ZXDC: variants seen among roughly 807,000 people sequenced by gnomAD.
ZXDC encodes ZXD family zinc finger C.
Under a neutral mutation model 63.6 loss-of-function variants are expected in ZXDC, and 58 were observed. That is an observed-to-expected ratio of 0.91 (90% CI 0.74 to 1.13). The LOEUF (loss-of-function observed/expected upper bound fraction) is 1.13. ZXDC is among the 50% of genes most tolerant of loss of function. The pLI is 0.00. For synonymous variants in ZXDC, 561 were observed against 496.1 expected (o/e 1.13, Z -1.74); for missense variants, 1,133 against 1,148.9 (o/e 0.99, Z 0.20).
chr3:126,453,311 G>A, intron 7 of ZXDC: 1 of 985,356 alleles, frequency 1.0e-6, no homozygotes, highest in Non-Finnish European at 1.2e-6. Flanking sequence ...AGGAAAATGA[G>A]GGCCTAGGGG....
At chr3:126,455,938 T>G (rs74904184) in intron 7 of ZXDC, among the ~76,000 whole-genome samples, 25,931 of 151,532 alleles carry the variant, frequency 0.17, 2,657 homozygotes, top group East Asian at 0.38. Flanking sequence ...AGGCGGAGCT[T>G]GCAGTGAGCC....
At chr3:126,451,878 C>T (rs768024867) in intron 7 of ZXDC, 13 of 985,040 alleles carry the variant, frequency 1.3e-5, no homozygotes, top group Non-Finnish European at 1.4e-5. Context: ...GGCAGGTCTC[C>T]ACCTCATAGG....
At position 126,475,619 on chromosome 3, in the gene ZXDC, G is replaced by T. The variant is rs781028300; in HGVS notation, c.247C>A (p.His83Asn). The change falls in exon 1 of 10, where the codon CAC becomes AAC. Residue 83 changes from histidine to asparagine, a missense_variant. Coordinates refer to ENST00000389709, the MANE Select transcript of ZXDC (RefSeq NM_025112.5). ...DSFLVLLEVP[H>N]GGAAAEAAGS... ...GCAGCCTCGGCGGCAGCGCCGCCGT[G>T]CGGCACTTCCAGCAGCACCAAGAAA... is the stretch of plus-strand genomic sequence containing the variant. 2 of 1,474,494 alleles carry T rather than the reference G, an allele frequency of 1.4e-6. No individual in the cohort carries two copies. Among genetic ancestry groups the T allele is most frequent in the African/African-American group, 2.9e-5 (2 of 68,594 alleles). The allele number at this position is 1,474,494 out of a possible 1,614,324, so 91.3% of individuals were successfully genotyped here.
chr3:126,446,872 A>G (rs1933903180), intron 7 of ZXDC, among the ~76,000 whole-genome samples: 1 of 152,252 alleles, frequency 6.6e-6, no homozygotes. Flanking sequence ...TGTAGGTTTC[A>G]TTCAGTTTAA....
chr3:126,441,564 T>C, intron 8 of ZXDC: 1 of 1,332,028 alleles, frequency 7.5e-7, no homozygotes, highest in Admixed American at 3.6e-5. Context: ...CTTGAGCAGA[T>C]GCAGGACAGG....
Position 126,454,902 on chromosome 3 carries a change from A to G in ZXDC, c.2212+4751T>C, listed in dbSNP as rs188793298. ...CAAGATAAAGAAATTCACACATTTT[A>G]TTTTCTACACTCAACAGCAACACAA... On this transcript the variant is annotated intron_variant, in intron 7 of 9. Transcript: ENST00000389709. 9.1e-6 allele frequency: 9 copies of G among 985,424 alleles called. No individual in the cohort carries two copies. In the Admixed American group the frequency reaches 3.7e-4, roughly 40 times the overall value. 61.0% of individuals were successfully genotyped at this position (985,424 alleles called of 1,614,324 possible).
At chr3:126,458,982 A>T (rs1184652855) in intron 7 of ZXDC, 1 of 980,616 alleles carries the variant, frequency 1.0e-6, no homozygotes, top group Non-Finnish European at 1.2e-6. Flanking sequence ...ATATAAAATC[A>T]TATCAACCCT....
intron 5 of ZXDC, 127 bp downstream of exon 5, chr3:126,466,028 G>T: frequency 9.0e-7 from 1 of 1,113,318 alleles, no homozygotes; most frequent in Non-Finnish European, 1.3e-6. Context: ...CACTTGGCTT[G>T]GCAGCCACGC....
intron 2 of ZXDC, 45 bp downstream of exon 2, chr3:126,472,108 A>G: frequency 6.2e-7 from 1 of 1,609,158 alleles, no homozygotes; most frequent in Non-Finnish European, 8.5e-7. Context: ...GCTACGATGA[A>G]GACAAATCTT....
At chr3:126,468,671 C>T (rs761399805) in intron 4 of ZXDC, among the ~76,000 whole-genome samples, 9 of 152,220 alleles carry the variant, frequency 5.9e-5, no homozygotes, top group Non-Finnish European at 1.2e-4. Flanking sequence ...AAACCATCCC[C>T]ATCTCCCACT....
At chr3:126,469,317 C>G (rs1287834083) in intron 4 of ZXDC, among the ~76,000 whole-genome samples, 1 of 152,188 alleles carries the variant, frequency 6.6e-6, no homozygotes, top group Admixed American at 6.5e-5. Context: ...CTGCTCTCCC[C>G]AGCACCAGTG....
At chr3:126,444,312 T>G (rs571330257) in intron 7 of ZXDC, among the ~76,000 whole-genome samples, 3 of 152,140 alleles carry the variant, frequency 2.0e-5, no homozygotes, top group African/African-American at 7.2e-5. Flanking sequence ...GCGGGCAGAT[T>G]ACAAGGTCAG....
intron 7 of ZXDC, among the ~76,000 whole-genome samples, chr3:126,452,768 G>T (rs1227955729): frequency 6.6e-6 from 1 of 150,732 alleles, no homozygotes; most frequent in South Asian, 2.1e-4. Context: ...TGAGACAAGG[G>T]TCTTACTGTC....
intron 7 of ZXDC, chr3:126,453,110 AAG>A (rs1385550307): frequency 1.0e-6 from 1 of 985,302 alleles, no homozygotes; most frequent in Non-Finnish European, 1.2e-6. Context: ...AAATTCCACA[AAG>A]GGGGAGAACT....
At chr3:126,449,733 C>T (rs1934022369) in intron 7 of ZXDC, among the ~76,000 whole-genome samples, 2 of 152,200 alleles carry the variant, frequency 1.3e-5, no homozygotes, top group African/African-American at 4.8e-5. Flanking sequence ...CCGACCTTCA[C>T]CCTCAATCAC....
Position 126,470,933 on chromosome 3 carries a change from G to T in ZXDC, c.1232C>A (p.Thr411Asn). 6.2e-7 allele frequency: 1 copy of T among 1,614,200 alleles called. No individual in the cohort carries two copies. Among genetic ancestry groups the T allele is most frequent in the Non-Finnish European group, 8.5e-7 (1 of 1,180,036 alleles). The stretch of plus-strand genomic sequence containing the variant: ...CTCGAACGGCTTTGTGCCTAGGTGG[G>T]TTATGCTGTGGCCTTTCAGATGCTC... Reference protein sequence around the residue: ...RAEHLKGHSITHLGTKPFECP... With the variant: ...RAEHLKGHSINHLGTKPFECP... The change falls in exon 4 of 10, where the codon ACC becomes AAC. Residue 411 changes from threonine to asparagine, a missense_variant. Physicochemically the swap from Thr to Asn is moderately conservative, Grantham distance 65. Transcript: ENST00000389709.
chr3:126,452,688 G>T, intron 7 of ZXDC: 4 of 520,708 alleles, frequency 7.7e-6, no homozygotes, highest in Non-Finnish European at 7.4e-6. Context: ...TCCTAAGTGT[G>T]TTTTATTTAG....
At chr3:126,451,782 G>A (rs192376072) in intron 7 of ZXDC, 16 of 985,392 alleles carry the variant, frequency 1.6e-5, no homozygotes, top group Middle Eastern at 5.2e-4. Context: ...GTGCGGACGT[G>A]TCTCTGTGGC....
intron 5 of ZXDC, among the ~76,000 whole-genome samples, chr3:126,464,979 G>C (rs1203724334): frequency 6.6e-6 from 1 of 152,212 alleles, no homozygotes; most frequent in African/African-American, 2.4e-5. Context: ...AGAAAGCAAA[G>C]GCCACAGAAC....
Sources: gnomAD v4.1 joint callset for allele counts (sites outside exome capture counted in the v4.1 genomes callset) on GRCh38, gnomAD v4.1.1 for gene constraint, MANE v1.5 for transcripts, NCBI Gene and HGNC (gene_info 2026-07-23, HGNC 2026-07-21) for gene names.